Variants in ZC3H13 observed in about 807,000 individuals in gnomAD.
ZC3H13 encodes the protein zinc finger CCCH-type containing 13.
A neutral mutation model predicts 204.1 loss-of-function variants in ZC3H13; 64 were observed. The observed-to-expected ratio is 0.31, with a 90% CI of 0.26 to 0.39. The LOEUF (loss-of-function observed/expected upper bound fraction) is 0.39, where lower values mean the gene tolerates loss of function less well. Ranked by LOEUF, ZC3H13 falls within the 10% of genes least tolerant of loss-of-function variation. ZC3H13 has a pLI of 1.00. For missense variants in ZC3H13, 1,833 were observed against 2,082.7 expected (o/e 0.88, Z 2.33); for synonymous variants, 667 against 693.7 (o/e 0.96, Z 0.60).
chr13:45,996,900 T>C (rs7338189), intron 8 of ZC3H13, among the ~76,000 whole-genome samples: 114,114 of 152,172 alleles, frequency 0.75, 43,279 homozygotes, highest in African/African-American at 0.85. Flanking sequence ...AATTCATGCA[T>C]AGTATATACA....
At chr13:45,971,340 C>A (rs553703643) in intron 12 of ZC3H13, among the ~76,000 whole-genome samples, 1 of 152,046 alleles carries the variant, frequency 6.6e-6, no homozygotes, top group South Asian at 2.1e-4. Flanking sequence ...TATACATGGA[C>A]CAATGGAACA....
At chr13:45,965,525 CA>C in intron 15 of ZC3H13, 93 bp from the exon 16 acceptor site, 1 of 1,190,522 alleles carries the variant, frequency 8.4e-7, no homozygotes, top group Admixed American at 2.9e-5. Context: ...CACATTATAA[CA>C]ATGTGAAAAA....
At chr13:46,035,152 A>C (rs982444460) in intron 4 of ZC3H13, among the ~76,000 whole-genome samples, 1 of 152,170 alleles carries the variant, frequency 6.6e-6, no homozygotes, top group Non-Finnish European at 1.5e-5. Context: ...GGCTGTGAGG[A>C]AGCCCAAGCT....
intron 3 of ZC3H13, among the ~76,000 whole-genome samples, chr13:46,044,192 T>A (rs2043784305): frequency 6.9e-6 from 1 of 145,832 alleles, no homozygotes; most frequent in East Asian, 2.0e-4. Flanking sequence ...AAAAAAAAAT[T>A]CCAATTGCTA....
At chr13:46,007,577 T>C (rs2041243704) in intron 7 of ZC3H13, among the ~76,000 whole-genome samples, 1 of 152,224 alleles carries the variant, frequency 6.6e-6, no homozygotes, top group South Asian at 2.1e-4. Flanking sequence ...ACTATTCTAA[T>C]ATACTTACTA....
chr13:46,029,850 T>A (rs1266872059), intron 4 of ZC3H13, among the ~76,000 whole-genome samples: 1 of 152,074 alleles, frequency 6.6e-6, no homozygotes, highest in Non-Finnish European at 1.5e-5. Context: ...AAAATCCTTA[T>A]CAAAAATATT....
At chr13:46,041,373 A>G (rs943148166) in intron 4 of ZC3H13, among the ~76,000 whole-genome samples, 7 of 152,124 alleles carry the variant, frequency 4.6e-5, no homozygotes, top group African/African-American at 1.7e-4. Flanking sequence ...ATATAGGCAA[A>G]TCTCTAGAGA....
chr13:45,978,736 A>G (rs1368079870), intron 11 of ZC3H13, among the ~76,000 whole-genome samples: 1 of 152,088 alleles, frequency 6.6e-6, no homozygotes, highest in Non-Finnish European at 1.5e-5. Context: ...ATAGAAAAAA[A>G]GGAAAAAAGA....
At chr13:45,989,355 A>AT (rs2039801560) in intron 8 of ZC3H13, among the ~76,000 whole-genome samples, 1 of 152,206 alleles carries the variant, frequency 6.6e-6, no homozygotes, top group African/African-American at 2.4e-5. Flanking sequence ...AGTACACTGC[A>AT]TTTTCCAACA....
At chr13:45,998,937 T>C (rs986539850) in intron 8 of ZC3H13, among the ~76,000 whole-genome samples, 11 of 152,142 alleles carry the variant, frequency 7.2e-5, no homozygotes, top group Admixed American at 1.3e-4. Context: ...TTACCCACAG[T>C]AGAATTTTCA....
At chr13:45,980,361 C>T (rs922154469) in intron 10 of ZC3H13, among the ~76,000 whole-genome samples, 2 of 152,128 alleles carry the variant, frequency 1.3e-5, no homozygotes, top group Admixed American at 6.5e-5. Context: ...AAAATGGGTA[C>T]GTATTATTGC....
At chr13:46,045,945 G>C (rs1489903892) in intron 1 of ZC3H13, among the ~76,000 whole-genome samples, 1 of 152,076 alleles carries the variant, frequency 6.6e-6, no homozygotes, top group Non-Finnish European at 1.5e-5. Context: ...TAAAGAAAAT[G>C]GAAAAATAAA....
At chr13:45,976,447 A>G (rs905089865) in intron 11 of ZC3H13, among the ~76,000 whole-genome samples, 24 of 152,358 alleles carry the variant, frequency 1.6e-4, no homozygotes, top group African/African-American at 5.3e-4. Flanking sequence ...GCAATCTTGA[A>G]ATAAATGTAA....
intron 18 of ZC3H13, among the ~76,000 whole-genome samples, 166 bp from the exon 19 acceptor site, chr13:45,957,463 G>C (rs1304747235): frequency 1.3e-5 from 2 of 152,086 alleles, no homozygotes; most frequent in East Asian, 3.9e-4. Flanking sequence ...ATGTGTTTGG[G>C]CTCAATGAAT....
intron 4 of ZC3H13, among the ~76,000 whole-genome samples, chr13:46,037,316 C>T (rs1194799585): frequency 6.6e-6 from 1 of 152,166 alleles, no homozygotes; most frequent in Admixed American, 6.5e-5. Context: ...GTAAGCAATA[C>T]TCATAGGGCA....
In ZC3H13 at chr13:46,041,850, G is replaced by C. The variant is rs2043608254; in HGVS notation, c.339+314C>G. On this transcript the variant is annotated intron_variant, in intron 4 of 18. Transcript: ENST00000679008. ...TTTCTTGGAAGCAGATGTGATGGCT[G>C]GCTGAATTCTGAAAACTTAAAGATA... 3.3e-5 allele frequency among the ~76,000 whole-genome samples: 5 copies of C among 152,008 alleles called. No individual in the cohort carries two copies. In the South Asian group the frequency reaches 1.0e-3, roughly 32 times the overall value.
At chr13:45,977,719 C>T (rs1458893467) in intron 11 of ZC3H13, among the ~76,000 whole-genome samples, 1 of 135,916 alleles carries the variant, frequency 7.4e-6, no homozygotes, top group Non-Finnish European at 1.6e-5. Context: ...ATCAGGTCTT[C>T]TTAGATGCCT....
intron 4 of ZC3H13, among the ~76,000 whole-genome samples, chr13:46,030,918 C>A (rs1220007231): frequency 1.3e-5 from 2 of 152,158 alleles, no homozygotes; most frequent in East Asian, 3.8e-4. Context: ...AAAACCCCAG[C>A]AAGTTACTTT....
intron 1 of ZC3H13, among the ~76,000 whole-genome samples, chr13:46,049,226 C>T (rs1397804407): frequency 6.6e-6 from 1 of 150,784 alleles, no homozygotes; most frequent in African/African-American, 2.4e-5. Context: ...TAAAGTAATA[C>T]AGCATCTGAG....
Sources: gnomAD v4.1 joint callset for allele counts (sites outside exome capture counted in the v4.1 genomes callset) on GRCh38, gnomAD v4.1.1 for gene constraint, MANE v1.5 for transcripts, NCBI Gene and HGNC (gene_info 2026-07-23, HGNC 2026-07-21) for gene names.